MTERF2: variants seen among roughly 807,000 people sequenced by gnomAD.
MTERF2 encodes mitochondrial transcription termination factor 2.
MTERF2 carries 23 observed loss-of-function variants against 29.2 expected under a neutral mutation model. The observed-to-expected ratio is 0.79, with a 90% CI of 0.57 to 1.12. The LOEUF (loss-of-function observed/expected upper bound fraction) is 1.12. Among genes scored for constraint, MTERF2 ranks in the 50% most tolerant of loss-of-function variants. The probability of loss-of-function intolerance (pLI) is 0.00; values close to 1 mark genes in which losing one functional copy is unlikely to be tolerated. For synonymous variants in MTERF2, 157 were observed against 159.5 expected (o/e 0.98, Z 0.12); for missense variants, 440 against 429.4 (o/e 1.02, Z -0.22).
At chr12:106,986,369 C>T (rs1952116321) in intron 1 of MTERF2, 1 of 151,882 alleles carries the variant, frequency 6.6e-6, no homozygotes, top group South Asian at 2.1e-4. Context: ...AAACTCTTCA[C>T]ATATACTAAA....
chr12:106,979,952 C>T (rs1952036980), intron 2 of MTERF2, among the ~76,000 whole-genome samples: 1 of 152,098 alleles, frequency 6.6e-6, no homozygotes, highest in Non-Finnish European at 1.5e-5. Flanking sequence ...GGCTGGAATG[C>T]AGTGGCGCGA....
intron 2 of MTERF2, among the ~76,000 whole-genome samples, chr12:106,982,960 T>C (rs1345610116): frequency 6.6e-6 from 1 of 152,246 alleles, no homozygotes; most frequent in African/African-American, 2.4e-5. Flanking sequence ...ATAATTAAAC[T>C]ATTTCGTTCA....
intron 2 of MTERF2, among the ~76,000 whole-genome samples, chr12:106,983,643 T>G (rs1015271246): frequency 6.6e-6 from 1 of 152,212 alleles, no homozygotes; most frequent in South Asian, 2.1e-4. Flanking sequence ...CATTTGAAAT[T>G]TCTGGGTGTG....
rs1264998394 is a variant in MTERF2, at chr12:106,985,159, G to A, written c.-102C>T. 6 of 152,262 alleles carry A rather than the reference G, an allele frequency of 3.9e-5. No individual in the cohort carries two copies. The highest frequency in any genetic ancestry group is 1.3e-4 in the Admixed American group (2 of 15,276). 9.4% of individuals were successfully genotyped at this position (152,262 alleles called of 1,614,324 possible). On this transcript the variant is annotated 5_prime_UTR_variant, in exon 2 of 3. Coordinates refer to ENST00000240050, the MANE Select transcript of MTERF2 (RefSeq NM_001033050.3). ...GATCTTGTCCTCATCCAGATATTCA[G>A]TTCATCCACTTGGGATTCTTTCCAA...
At chr12:106,986,302 C>G (rs1258601066) in intron 1 of MTERF2, 1 of 152,204 alleles carries the variant, frequency 6.6e-6, no homozygotes, top group Non-Finnish European at 1.5e-5. Flanking sequence ...ATACTATCTC[C>G]TGGGTGACTG....
chr12:106,977,431 C>G lies in MTERF2; in HGVS notation c.*126G>C. 1.4e-6 allele frequency: 1 copy of G among 707,486 alleles called. No homozygotes were observed. Among genetic ancestry groups the G allele is most frequent in the African/African-American group, 1.8e-5 (1 of 55,644 alleles). 43.8% of individuals were successfully genotyped at this position (707,486 alleles called of 1,614,324 possible). On this transcript the variant is annotated 3_prime_UTR_variant, in exon 3 of 3. Transcript: ENST00000240050. Reference sequence around the variant, plus strand: ...TCAGAATTTATCTATTTAGAGATAACTTAAATACAACACAGAAGCTAAGCA... The same window carrying G: ...TCAGAATTTATCTATTTAGAGATAAGTTAAATACAACACAGAAGCTAAGCA...
chr12:106,983,885 C>T (rs1952080278), intron 2 of MTERF2, among the ~76,000 whole-genome samples: 1 of 152,304 alleles, frequency 6.6e-6, no homozygotes, highest in East Asian at 1.9e-4. Context: ...CCAGACCATC[C>T]TCAAACCAGC....
At chr12:106,981,511 G>GT (rs1952051328) in intron 2 of MTERF2, among the ~76,000 whole-genome samples, 1 of 147,760 alleles carries the variant, frequency 6.8e-6, no homozygotes, top group Non-Finnish European at 1.5e-5. Context: ...AAAAGTTTAT[G>GT]TATGTATGTA....
At chr12:106,985,528 T>G (rs1229173919) in intron 1 of MTERF2, 2 of 152,274 alleles carry the variant, frequency 1.3e-5, no homozygotes, top group East Asian at 3.8e-4. Flanking sequence ...CATTACATGA[T>G]TTCATGGCAC....
In MTERF2 at chr12:106,978,334, TTCCTC is replaced by T. The variant is rs1952013396; in HGVS notation, c.376_380del (p.Glu126ArgfsTer17). On this transcript the variant is annotated frameshift_variant, in exon 3 of 3. Transcript: ENST00000240050. LOFTEE classifies it high-confidence loss of function. ...ACTGCTCTATTAACTTGATTAACTCTTCCTCATTTTTGCAGACCAACTGCCAGAGT... is the reference window on the plus strand; with the variant it reads ...ACTGCTCTATTAACTTGATTAACTCTATTTTTGCAGACCAACTGCCAGAGT... The T allele has an allele frequency of 6.2e-7, 1 of 1,614,082 alleles. No homozygotes were observed. Among genetic ancestry groups the T allele is most frequent in the South Asian group, 1.1e-5 (1 of 91,072 alleles).
chr12:106,980,328 G>C (rs1952041175), intron 2 of MTERF2, among the ~76,000 whole-genome samples: 1 of 152,298 alleles, frequency 6.6e-6, no homozygotes, highest in African/African-American at 2.4e-5. Flanking sequence ...AGAAGCAACC[G>C]AATTACATGG....
chr12:106,983,594 A>G (rs1033564060), intron 2 of MTERF2, among the ~76,000 whole-genome samples: 2 of 152,120 alleles, frequency 1.3e-5, no homozygotes, highest in African/African-American at 2.4e-5. Context: ...ATTTCCTCCC[A>G]TATTTTTGTT....
In MTERF2 at chr12:106,977,874, G is replaced by A. The variant is rs1335288340; in HGVS notation, c.841C>T (p.Leu281=). Residue 281 remains leucine (L), a synonymous_variant, in exon 3 of 3, where the codon CTG becomes TTG. Transcript: ENST00000240050. Reference sequence around the variant, plus strand: ...GGACATTTCAAAACTAATTGCTTCAGGTCATGATCTGTGCATTTAAAAGCA... The same window carrying A: ...GGACATTTCAAAACTAATTGCTTCAAGTCATGATCTGTGCATTTAAAAGCA... The part of the protein sequence containing the change: ...KNAFKCTDHD[L]KQLVLKCPAL... 1.2e-6 allele frequency: 2 copies of A among 1,613,832 alleles called. No homozygotes were observed. Among genetic ancestry groups the A allele is most frequent in the Non-Finnish European group, 1.7e-6 (2 of 1,180,006 alleles).
chr12:106,986,945 G>A (rs1008993212), intron 1 of MTERF2, 24 bp downstream of exon 1: 1 of 152,274 alleles, frequency 6.6e-6, no homozygotes, highest in African/African-American at 2.4e-5. Context: ...ACACGCCCAG[G>A]AGCAGAGGAA....
At chr12:106,984,118 G>A (rs1005172743) in intron 2 of MTERF2, among the ~76,000 whole-genome samples, 11 of 151,782 alleles carry the variant, frequency 7.2e-5, no homozygotes, top group African/African-American at 2.2e-4. Flanking sequence ...CATTATCCAG[G>A]GTCATTCCTG....
chr12:106,981,351 G>A (rs1023857960), intron 2 of MTERF2, among the ~76,000 whole-genome samples: 1 of 152,212 alleles, frequency 6.6e-6, no homozygotes, highest in Non-Finnish European at 1.5e-5. Flanking sequence ...AAGCCTTACA[G>A]GAAAACTGTA....
intron 2 of MTERF2, among the ~76,000 whole-genome samples, chr12:106,981,525 A>C (rs931915020): frequency 1.3e-5 from 2 of 152,134 alleles, no homozygotes; most frequent in African/African-American, 4.8e-5. Context: ...GTATGTATGT[A>C]TGTATTTAAG....
At position 106,978,127 on chromosome 12, in the gene MTERF2, T is replaced by C. The variant is rs1480422401; in HGVS notation, c.588A>G (p.Leu196=). The part of the protein sequence containing the change: ...QMVRILQESY[L]DVGGSEANMK... ...TGTTGGCCTCAGAGCCACCTACATC[T>C]AGATAACTCTCTTGGAGAATTCTTA... The change falls in exon 3 of 3, where the codon CTA becomes CTG. Residue 196 remains leucine, a synonymous_variant. Transcript: ENST00000240050. 6.2e-7 allele frequency: 1 copy of C among 1,614,176 alleles called. No individual in the cohort carries two copies. Among genetic ancestry groups the C allele is most frequent in the Non-Finnish European group, 8.5e-7 (1 of 1,180,032 alleles).
chr12:106,977,399 AC>A lies in MTERF2; in HGVS notation c.*157del. 2.4e-6 allele frequency: 1 copy of A among 424,112 alleles called. No individual in the cohort carries two copies. Among genetic ancestry groups the A allele is most frequent in the Non-Finnish European group, 3.8e-6 (1 of 266,160 alleles). The allele number at this position is 424,112 out of a possible 1,614,324, so 26.3% of individuals were successfully genotyped here. A position where few individuals can be genotyped will look rare whatever the true frequency, so the allele number is the denominator to read the frequency against. On this transcript the variant is annotated 3_prime_UTR_variant, in exon 3 of 3. Transcript: ENST00000240050. Reference sequence around the variant, plus strand: ...TATGATTTATATTTTATAATATGGCACATGAGTCAGAATTTATCTATTTAGA... The same window carrying A: ...TATGATTTATATTTTATAATATGGCAATGAGTCAGAATTTATCTATTTAGA...
Sources: allele counts gnomAD v4.1 joint callset (sites outside exome capture counted in the v4.1 genomes callset), GRCh38; gene constraint gnomAD v4.1.1; transcripts MANE v1.5; gene names NCBI Gene and HGNC (gene_info 2026-07-23, HGNC 2026-07-21).